ADGRG2: variants seen among roughly 807,000 people sequenced by gnomAD.
ADGRG2 encodes the protein adhesion G protein-coupled receptor G2.
Under a neutral mutation model 74.1 loss-of-function variants are expected in ADGRG2, and 26 were observed. The observed-to-expected ratio is 0.35, with a 90% CI of 0.26 to 0.49. The LOEUF (loss-of-function observed/expected upper bound fraction) is 0.49, where lower values mean the gene tolerates loss of function less well. Ranked by LOEUF, ADGRG2 falls within the 20% of genes least tolerant of loss-of-function variation. The pLI is 0.99. For synonymous variants in ADGRG2, 296 were observed against 295.2 expected, an observed-to-expected ratio of 1.00 and a Z score of -0.03; for missense variants, 619 against 763.1, an observed-to-expected ratio of 0.81 and a Z score of 2.22.
chrX:19,038,145 G>T (rs938383619), intron 4 of ADGRG2, among the ~76,000 whole-genome samples: 1 of 112,106 alleles, frequency 8.9e-6, no homozygotes, highest in Non-Finnish European at 1.9e-5. Context: ...AAATATGGCT[G>T]CTATTAAGGC....
chrX:19,116,236 C>A (rs761271767), intron 1 of ADGRG2, among the ~76,000 whole-genome samples: 2 of 107,070 alleles, frequency 1.9e-5, no homozygotes, highest in Non-Finnish European at 3.9e-5. Flanking sequence ...AAAGTCCGGG[C>A]GCAGTGGCTC....
At chrX:18,994,482 AGT>A (rs746794074) in intron 28 of ADGRG2, among the ~76,000 whole-genome samples, 30 of 109,202 alleles carry the variant, frequency 2.7e-4, no homozygotes, top group African/African-American at 9.9e-4. Context: ...GGGCAACAAG[AGT>A]GAGACTCCAT....
chrX:19,093,902 TACACACAC>T (rs61296210), intron 1 of ADGRG2, among the ~76,000 whole-genome samples: 31 of 100,188 alleles, frequency 3.1e-4, no homozygotes, highest in African/African-American at 7.3e-4. Context: ...TATGTAGGTA[TACACACAC>T]ACACACACAC....
upstream of ADGRG2, among the ~76,000 whole-genome samples, chrX:19,122,945 G>T (rs1399039173): frequency 8.9e-6 from 1 of 112,340 alleles, no homozygotes; most frequent in African/African-American, 3.2e-5. Context: ...TTTCAGTGTC[G>T]CACGCTGTAA....
At chrX:19,039,206 A>C (rs1006663664) in intron 4 of ADGRG2, 2 of 329,008 alleles carry the variant, frequency 6.1e-6, no homozygotes, top group African/African-American at 5.3e-5. Context: ...GCCAAATTAC[A>C]ACTCAAGTCA....
chrX:19,077,187 A>G (rs2146941568), intron 2 of ADGRG2, among the ~76,000 whole-genome samples: 1 of 111,294 alleles, frequency 9.0e-6, no homozygotes, highest in African/African-American at 3.3e-5. Flanking sequence ...GGAAAAATAG[A>G]AAGTAATAAA....
At chrX:19,009,823 T>G in intron 17 of ADGRG2, 41 bp from the exon 18 acceptor site, 15 of 1,075,271 alleles carry the variant, frequency 1.4e-5, no homozygotes, top group Non-Finnish European at 1.9e-5. Context: ...ATTTATTTAT[T>G]TATTTTGAGA....
At chrX:19,003,679 A>C (rs748162722) in intron 23 of ADGRG2, among the ~76,000 whole-genome samples, 1 of 111,929 alleles carries the variant, frequency 8.9e-6, no homozygotes, top group East Asian at 2.8e-4. Context: ...GACCTTTTAC[A>C]TGCTGACTGT....
intron 2 of ADGRG2, among the ~76,000 whole-genome samples, chrX:19,072,716 C>T (rs2061674488): frequency 9.0e-6 from 1 of 110,543 alleles, no homozygotes; most frequent in African/African-American, 3.3e-5. Flanking sequence ...ATATATAGAT[C>T]AAGAACTTAA....
chrX:18,996,007 C>A (rs370957982), intron 27 of ADGRG2, 44 bp downstream of exon 27: 1 of 662,013 alleles, frequency 1.5e-6, no homozygotes, highest in African/African-American at 2.1e-5. Context: ...ACAATCTTTT[C>A]CTTGAGATTT....
At chrX:19,006,341 G>A in intron 20 of ADGRG2, 76 bp from the exon 21 acceptor site, 1 of 716,981 alleles carries the variant, frequency 1.4e-6, no homozygotes, top group Non-Finnish European at 2.1e-6. Context: ...AAAGGTATTT[G>A]AAAAGAAAAA....
At chrX:19,079,434 A>C (rs2061806401) in intron 2 of ADGRG2, among the ~76,000 whole-genome samples, 1 of 112,636 alleles carries the variant, frequency 8.9e-6, no homozygotes, top group Non-Finnish European at 1.9e-5. Context: ...ATTGGACAAA[A>C]GGAACTATTC....
chrX:19,108,899 A>C (rs1319370142), intron 1 of ADGRG2, among the ~76,000 whole-genome samples: 1 of 111,510 alleles, frequency 9.0e-6, no homozygotes, highest in Non-Finnish European at 1.9e-5. Flanking sequence ...ATAAAAGTTT[A>C]ATTTAAAAAA....
intron 3 of ADGRG2, among the ~76,000 whole-genome samples, chrX:19,062,530 C>T (rs1176153446): frequency 8.9e-6 from 1 of 111,826 alleles, no homozygotes; most frequent in African/African-American, 3.3e-5. Context: ...CAGATCAGTG[C>T]CATGGTAAGC....
In ADGRG2 at chrX:19,023,938, G is replaced by A. The variant is rs764040053; in HGVS notation, c.481C>T (p.Leu161Phe). 1.7e-6 allele frequency: 2 copies of A among 1,180,485 alleles called. No homozygotes were observed. Among genetic ancestry groups the A allele is most frequent in the African/African-American group, 3.5e-5 (2 of 56,563 alleles). Reference protein sequence around the residue: ...LSLSELKRSELNKTLQTLSET... With the variant: ...LSLSELKRSEFNKTLQTLSET... ...CTTAGGGTTTGCAGGGTTTTGTTGA[G>A]CTCTGAGCGTCTGTAATAAAATGAG... Residue 161 changes from leucine to phenylalanine, a missense_variant, in exon 12 of 29, where the codon CTC becomes TTC. This residue lies in a region of ADGRG2 where 292 missense variants were observed against 318.0 expected (regional missense o/e 0.92). Coordinates refer to ENST00000379869, the MANE Select transcript of ADGRG2 (RefSeq NM_001079858.3).
rs35974297 is a variant in ADGRG2, at chrX:19,013,915, G to T, written c.870C>A (p.His290Gln). 4,252 of 1,208,174 alleles carry T rather than the reference G, an allele frequency of 3.5e-3. 108 individuals are homozygous for T. The African/African-American group carries it at 0.066, about 19-fold the overall frequency. ...TCTCCCCTATTGGAGAGGGAACATTGTGGGTCACAGGTGAATAATCTGGAG... is the reference window on the plus strand; with the variant it reads ...TCTCCCCTATTGGAGAGGGAACATTTTGGGTCACAGGTGAATAATCTGGAG... ...AEPPDYSPVT[H>Q]NVPSPIGEIQ... Residue 290 changes from histidine to glutamine, a missense_variant, in exon 16 of 29, where the codon CAC (histidine) becomes CAA (glutamine). By Grantham distance (24) the His-to-Gln change is conservative (BLOSUM62 0). Around this residue, in one of 3 missense-constraint regions of ADGRG2, gnomAD observed 292 missense variants for 318.0 expected, o/e 0.92. Transcript: ENST00000379869.
chrX:19,020,661 A>C (rs1037860950), intron 14 of ADGRG2, among the ~76,000 whole-genome samples: 2 of 111,582 alleles, frequency 1.8e-5, no homozygotes, highest in Non-Finnish European at 3.8e-5. Flanking sequence ...ATAACCTTCT[A>C]GGGCTCTTTA....
intron 1 of ADGRG2, among the ~76,000 whole-genome samples, chrX:19,098,804 C>A (rs959151974): frequency 1.8e-5 from 2 of 111,913 alleles, no homozygotes; most frequent in African/African-American, 6.5e-5. Context: ...GAAGATGAAT[C>A]CTCAATCACC....
Position 19,037,630 on chromosome X carries a change from A to G in ADGRG2, c.161T>C (p.Leu54Ser). The change falls in exon 5 of 29, where the codon TTA (leucine) becomes TCA (serine). Residue 54 changes from leucine to serine, a missense_variant. Around this residue, in one of 3 missense-constraint regions of ADGRG2, gnomAD observed 292 missense variants for 318.0 expected, o/e 0.92. Coordinates refer to ENST00000379869, the MANE Select transcript of ADGRG2 (RefSeq NM_001079858.3). ...GGAGGGGGCAAAACTGACAACAGATAATTTAGCTGCAGGAGAAAAAAAAAT... is the reference window on the plus strand; with the variant it reads ...GGAGGGGGCAAAACTGACAACAGATGATTTAGCTGCAGGAGAAAAAAAAAT... Reference protein sequence around the residue: ...NSSLSPPPAKLSVVSFAPSSN... With the variant: ...NSSLSPPPAKSSVVSFAPSSN... 8.9e-7 allele frequency: 1 copy of G among 1,129,350 alleles called. No individual in the cohort carries two copies. The highest frequency in any genetic ancestry group is 1.2e-6 in the Non-Finnish European group (1 of 843,115). 93.1% of individuals were successfully genotyped at this position (1,129,350 alleles called of 1,213,427 possible). A position where few individuals can be genotyped will look rare whatever the true frequency, so the allele number is the denominator to read the frequency against.
Sources: gnomAD v4.1 joint callset for allele counts (sites outside exome capture counted in the v4.1 genomes callset) on GRCh38, gnomAD v4.1.1 for gene constraint, gnomAD v4.1.1 regional missense constraint, MANE v1.5 for transcripts, NCBI Gene and HGNC (gene_info 2026-07-23, HGNC 2026-07-21) for gene names.